Variants in MYO18B observed in about 807,000 individuals in gnomAD.
MYO18B encodes myosin XVIIIB.
In MYO18B, 204 loss-of-function variants were observed where a neutral mutation model predicts 273.0. The ratio of observed to expected loss-of-function variants is 0.75; its 90% CI spans 0.67 to 0.84. The LOEUF (loss-of-function observed/expected upper bound fraction) is 0.84. Ranked by LOEUF, MYO18B falls within the 40% of genes least tolerant of loss-of-function variation. The pLI is 0.00. For missense variants in MYO18B, 3,212 were observed against 3,287.6 expected, an observed-to-expected ratio of 0.98 and a Z score of 0.56; for synonymous variants, 1,330 against 1,305.7, an observed-to-expected ratio of 1.02 and a Z score of -0.40.
chr22:25,859,281 G>GTT (rs1458212807), intron 21 of MYO18B, among the ~76,000 whole-genome samples: 5 of 152,066 alleles, frequency 3.3e-5, no homozygotes. Context: ...ACTACATTTG[G>GTT]ATAGTTTTTG....
chr22:25,823,730 C>T (rs1178739223), intron 13 of MYO18B, 52 bp downstream of exon 13: 15 of 1,579,046 alleles, frequency 9.5e-6, no homozygotes, highest in Admixed American at 3.4e-5. Context: ...TGGGCCAGCT[C>T]CTGGGGATAC....
intron 34 of MYO18B, among the ~76,000 whole-genome samples, chr22:25,945,642 G>A (rs2092694826): frequency 6.6e-6 from 1 of 151,592 alleles, no homozygotes; most frequent in African/African-American, 2.4e-5. Flanking sequence ...CTGAGCTAGA[G>A]GGGAAGGACA....
intron 11 of MYO18B, among the ~76,000 whole-genome samples, chr22:25,787,815 TGAG>T (rs781581931): frequency 6.6e-6 from 1 of 152,146 alleles, no homozygotes; most frequent in Non-Finnish European, 1.5e-5. Flanking sequence ...TCTGGGGTCA[TGAG>T]GAGCCCAGAC....
At chr22:25,996,120 A>T (rs1933206119) in intron 40 of MYO18B, among the ~76,000 whole-genome samples, 1 of 152,194 alleles carries the variant, frequency 6.6e-6, no homozygotes. Context: ...CCAATTAGAG[A>T]TCTAATGGTT....
At chr22:25,854,066 A>G (rs537498927) in intron 21 of MYO18B, among the ~76,000 whole-genome samples, 1 of 152,296 alleles carries the variant, frequency 6.6e-6, no homozygotes, top group African/African-American at 2.4e-5. Flanking sequence ...ACAGCTAGAA[A>G]AGGTCAATAT....
intron 5 of MYO18B, 49 bp downstream of exon 5, chr22:25,770,225 C>G: frequency 6.4e-7 from 1 of 1,562,876 alleles, no homozygotes; most frequent in Non-Finnish European, 8.8e-7. Context: ...TTCTCCTGTG[C>G]CCCCTACTGC....
At chr22:25,854,504 T>A (rs2090512724) in intron 21 of MYO18B, among the ~76,000 whole-genome samples, 1 of 152,186 alleles carries the variant, frequency 6.6e-6, no homozygotes, top group Non-Finnish European at 1.5e-5. Context: ...AAAATTATGG[T>A]AAAATACACA....
Position 25,768,439 on chromosome 22 carries a change from G to GC in MYO18B, c.530dup (p.Cys178LeufsTer20), listed in dbSNP as rs748007891. 1.6e-5 allele frequency: 25 copies of GC among 1,604,298 alleles called. No homozygotes were observed. Among genetic ancestry groups the GC allele is most frequent in the East Asian group, 2.3e-5 (1 of 44,266 alleles). Reference sequence around the variant, plus strand: ...GCCAGAGAAGACTCATCCCCATGACGCCCCCCCTTGCAAGACCTCTCCCCC... The same window carrying GC: ...GCCAGAGAAGACTCATCCCCATGACGCCCCCCCCTTGCAAGACCTCTCCCCC... On this transcript the variant is annotated frameshift_variant, in exon 4 of 44. Coordinates refer to ENST00000335473, the MANE Select transcript of MYO18B (RefSeq NM_032608.7). LOFTEE classifies it high-confidence loss of function.
At chr22:26,043,195 A>G in the MYO18B span, among the ~76,000 whole-genome samples, 13 of 152,158 alleles carry the variant, frequency 8.5e-5, no homozygotes. Context: ...ACTCAGCAAA[A>G]CATTTTTGAG....
chr22:26,034,264 G>A (rs113393999), downstream of MYO18B, among the ~76,000 whole-genome samples: 4,091 of 152,240 alleles, frequency 0.027, 206 homozygotes, highest in African/African-American at 0.094. Flanking sequence ...CGTAGTAAGC[G>A]TCATCCAAGT....
chr22:25,829,420 ACAAAACC>A (rs2089622140), intron 15 of MYO18B, among the ~76,000 whole-genome samples: 1 of 151,982 alleles, frequency 6.6e-6, no homozygotes, highest in Admixed American at 6.6e-5. Context: ...TACATGCATC[ACAAAACC>A]CAGCAATTCC....
intron 29 of MYO18B, chr22:25,899,182 TG>T (rs2091879035): frequency 6.6e-6 from 1 of 152,260 alleles, no homozygotes; most frequent in African/African-American, 2.4e-5. Context: ...AGTGAGGCGA[TG>T]GTGGAGCCTG....
At chr22:25,948,527 TCTTCCTTC>T (rs562796748) in intron 36 of MYO18B, among the ~76,000 whole-genome samples, 2 of 110,410 alleles carry the variant, frequency 1.8e-5, no homozygotes, top group African/African-American at 6.8e-5. Context: ...CTTCTTTCTT[TCTTCCTTC>T]CTTCCTTCCT....
chr22:25,771,887 G>C (rs141302076), intron 6 of MYO18B, among the ~76,000 whole-genome samples: 210 of 152,330 alleles, frequency 1.4e-3, no homozygotes, highest in African/African-American at 4.9e-3. Flanking sequence ...GACCAGTGAG[G>C]TGGTTTGGCC....
chr22:26,046,219 A>G, the MYO18B span, among the ~76,000 whole-genome samples: 1 of 152,202 alleles, frequency 6.6e-6, no homozygotes, highest in Non-Finnish European at 1.5e-5. Flanking sequence ...AAAAAACCTT[A>G]GGATACTTGT....
intron 40 of MYO18B, among the ~76,000 whole-genome samples, chr22:25,997,978 C>CACACACGAGA (rs34431605): frequency 1.4e-4 from 20 of 144,552 alleles, no homozygotes; most frequent in African/African-American, 5.3e-4. Context: ...CACACACACA[C>CACACACGAGA]GAGAGAGAGA....
chr22:25,769,962 T>C, intron 4 of MYO18B, 148 bp from the exon 5 acceptor site: 5 of 802,368 alleles, frequency 6.2e-6, no homozygotes, highest in Non-Finnish European at 1.1e-5. Context: ...GGAATCTGCA[T>C]TTAAATAAGC....
intron 30 of MYO18B, chr22:25,903,041 G>T: frequency 3.2e-6 from 1 of 308,630 alleles, no homozygotes; most frequent in Non-Finnish European, 6.1e-6. Flanking sequence ...TTGTCCAGGA[G>T]CAATGTCCTG....
chr22:26,050,992 A>G, the MYO18B span, among the ~76,000 whole-genome samples: 5 of 152,174 alleles, frequency 3.3e-5, no homozygotes, highest in African/African-American at 1.2e-4. Context: ...AAGGATAGAT[A>G]TGGTTCTGAG....
Sources: gnomAD v4.1 joint callset for allele counts (sites outside exome capture counted in the v4.1 genomes callset) on GRCh38, gnomAD v4.1.1 for gene constraint, MANE v1.5 for transcripts, NCBI Gene and HGNC (gene_info 2026-07-23, HGNC 2026-07-21) for gene names.